Variants in GYPE observed in about 807,000 individuals in gnomAD.
GYPE encodes the protein glycophorin E (MNS blood group), also known as glycophorin-E.
GYPE carries 8 observed loss-of-function variants against 11.6 expected under a neutral mutation model. The ratio of observed to expected loss-of-function variants is 0.69; its 90% CI spans 0.41 to 1.25. GYPE has a LOEUF of 1.25. GYPE is among the 50% of genes most tolerant of loss of function. GYPE has a pLI of 0.01. For synonymous variants in GYPE, 28 were observed against 29.6 expected (o/e 0.94, Z 0.18); for missense variants, 90 against 92.8 (o/e 0.97, Z 0.12).
chr4:143,891,554 T>C (rs1744407245), intron 1 of GYPE, among the ~76,000 whole-genome samples: 2 of 151,956 alleles, frequency 1.3e-5, no homozygotes, highest in Admixed American at 1.3e-4. Context: ...GATCTTGATC[T>C]CCTGACCTCA....
intron 1 of GYPE, among the ~76,000 whole-genome samples, chr4:143,895,246 T>A (rs1284077017): frequency 6.6e-6 from 1 of 152,140 alleles, no homozygotes; most frequent in Non-Finnish European, 1.5e-5. Context: ...TGATTGTATA[T>A]CTAGAAAACC....
chr4:143,889,325 G>A (rs1245314339), intron 1 of GYPE, among the ~76,000 whole-genome samples: 2 of 152,048 alleles, frequency 1.3e-5, no homozygotes, highest in South Asian at 2.1e-4. Context: ...ATTCCAGCCA[G>A]TGCACATTCT....
intron 3 of GYPE, 39 bp downstream of exon 3, chr4:143,876,707 C>T (rs2149904239): frequency 9.9e-7 from 1 of 1,012,000 alleles, no homozygotes; most frequent in Non-Finnish European, 1.5e-6. Flanking sequence ...GAGCTGTTCA[C>T]ACTGGTATTT....
Position 143,870,973 on chromosome 4 carries a change from C to G in GYPE, c.*1289G>C, listed in dbSNP as rs1312594065. 3.3e-5 allele frequency: 5 copies of G among 151,904 alleles called. No homozygotes were observed. Among genetic ancestry groups the G allele is most frequent in the Non-Finnish European group, 7.3e-5 (5 of 68,030 alleles). The allele number at this position is 151,904 out of a possible 1,614,324, so 9.4% of individuals were successfully genotyped here. A position where few individuals can be genotyped will look rare whatever the true frequency, so the allele number is the denominator to read the frequency against. On this transcript the variant is annotated 3_prime_UTR_variant, in exon 4 of 4. Transcript: ENST00000358615. ...AGGGGAAACAAACACATCTTTCTTA[C>G]ATAGTGGCAGGAAGGAGAAGAATGA...
At chr4:143,884,030 T>A (rs558352111) in intron 1 of GYPE, among the ~76,000 whole-genome samples, 1 of 152,138 alleles carries the variant, frequency 6.6e-6, no homozygotes, top group African/African-American at 2.4e-5. Flanking sequence ...CAATTTTCTT[T>A]GTGAACACCT....
intron 3 of GYPE, among the ~76,000 whole-genome samples, chr4:143,874,472 G>C (rs4835057): frequency 0.76 from 115,515 of 152,188 alleles, 44,941 homozygotes; most frequent in East Asian, 0.95. Flanking sequence ...GTCACCTTGA[G>C]AGGTAATAAC....
In GYPE at chr4:143,895,685, G is replaced by C. The variant is rs544011708; in HGVS notation, c.37+9786C>G. Among the ~76,000 whole-genome samples, 1,212 of 136,846 alleles carry C rather than the reference G, an allele frequency of 8.9e-3. 28 individuals are homozygous for C. The highest frequency in any genetic ancestry group is 0.03 in the African/African-American group (1,148 of 37,662). 89.8% of individuals were successfully genotyped at this position (136,846 alleles called of 152,430 possible). ...AAAGTTCATATGGAACCAAAAAAGA[G>C]CCCGCATTGCCAAGTCAATCCTAAG... On this transcript the variant is annotated intron_variant, in intron 1 of 3. Coordinates refer to ENST00000358615, the MANE Select transcript of GYPE (RefSeq NM_198682.3).
intron 1 of GYPE, among the ~76,000 whole-genome samples, chr4:143,883,993 G>A (rs1211791508): frequency 6.6e-6 from 1 of 152,062 alleles, no homozygotes; most frequent in Non-Finnish European, 1.5e-5. Flanking sequence ...AGGTAGAGAG[G>A]TGTTTTCAGT....
rs368078468 is a variant in GYPE at position 143,900,896 on chromosome 4, C to G, written c.37+4575G>C. 1.0e-3 allele frequency among the ~76,000 whole-genome samples: 159 copies of G among 152,232 alleles called. 2 individuals carry two copies. The highest frequency in any genetic ancestry group is 3.7e-3 in the African/African-American group (153 of 41,550). ...GAGTGATGAAAATGTTCTGGAGCTA[C>G]ATAATGGTGATGGGTGTGCATCATT... On this transcript the variant is annotated intron_variant, in intron 1 of 3. Coordinates refer to ENST00000358615, the MANE Select transcript of GYPE (RefSeq NM_198682.3).
chr4:143,891,322 TTTG>T (rs146663690), intron 1 of GYPE, among the ~76,000 whole-genome samples: 129,016 of 139,346 alleles, frequency 0.93, 60,626 homozygotes, highest in South Asian at 1. Flanking sequence ...TTTGATTTTT[TTTG>T]TTTCTTTTTT....
chr4:143,874,803 C>T (rs186689170), intron 3 of GYPE, among the ~76,000 whole-genome samples: 62 of 152,182 alleles, frequency 4.1e-4, no homozygotes, highest in African/African-American at 8.7e-4. Context: ...TCTGCTGTGT[C>T]CTGGAGGTGA....
At chr4:143,883,763 T>A (rs1214497024) in intron 1 of GYPE, among the ~76,000 whole-genome samples, 3 of 151,054 alleles carry the variant, frequency 2.0e-5, no homozygotes, top group Non-Finnish European at 4.4e-5. Context: ...AAAATAAGCA[T>A]CATTTTAAGA....
At chr4:143,893,734 G>A (rs1394447374) in intron 1 of GYPE, among the ~76,000 whole-genome samples, 1 of 152,084 alleles carries the variant, frequency 6.6e-6, no homozygotes, top group Non-Finnish European at 1.5e-5. Context: ...CTCTCTGGCT[G>A]CCCTTAGCAT....
At chr4:143,882,989 T>G (rs1005637486) in intron 1 of GYPE, among the ~76,000 whole-genome samples, 1 of 152,200 alleles carries the variant, frequency 6.6e-6, no homozygotes, top group Non-Finnish European at 1.5e-5. Context: ...GTGAGTGGTA[T>G]GGTTTGGATC....
At chr4:143,878,312 T>A (rs544758568) in intron 2 of GYPE, among the ~76,000 whole-genome samples, 1 of 152,092 alleles carries the variant, frequency 6.6e-6, no homozygotes, top group Non-Finnish European at 1.5e-5. Flanking sequence ...AATTTTTGTA[T>A]TTTTTGTAGA....
intron 1 of GYPE, among the ~76,000 whole-genome samples, chr4:143,905,058 G>T (rs1278065336): frequency 6.6e-6 from 1 of 151,684 alleles, no homozygotes; most frequent in African/African-American, 2.4e-5. Context: ...CTCACCATTT[G>T]GCAGAAATAG....
intron 1 of GYPE, among the ~76,000 whole-genome samples, chr4:143,885,315 G>T (rs2323422): frequency 5.3e-5 from 8 of 152,128 alleles, no homozygotes; most frequent in African/African-American, 9.7e-5. Flanking sequence ...ATATGTAACT[G>T]TTTTATAAAA....
intron 1 of GYPE, among the ~76,000 whole-genome samples, chr4:143,903,524 C>CAAAAAAAAAAAAAAA (rs11400558): frequency 3.0e-5 from 3 of 98,846 alleles, no homozygotes; most frequent in African/African-American, 4.0e-5. Flanking sequence ...TTTTTCATAG[C>CAAAAAAAAAAAAAAA]AAAAAAAAAA....
chr4:143,900,424 A>C (rs2590014), intron 1 of GYPE, among the ~76,000 whole-genome samples: 110,496 of 110,614 alleles, frequency 1, 55,190 homozygotes, highest in Middle Eastern at 1. Flanking sequence ...TATGACCCAG[A>C]AATTCTACCC....
Sources: gnomAD v4.1 joint callset for allele counts (sites outside exome capture counted in the v4.1 genomes callset) on GRCh38, gnomAD v4.1.1 for gene constraint, MANE v1.5 for transcripts, NCBI Gene and HGNC (gene_info 2026-07-23, HGNC 2026-07-21) for gene names.